Variants in OGFOD3 observed in about 807,000 individuals in gnomAD.
The protein encoded by OGFOD3 is 2-oxoglutarate and iron-dependent oxygenase domain-containing protein 3.
Under a neutral mutation model 39.8 loss-of-function variants are expected in OGFOD3, and 35 were observed. That is an observed-to-expected ratio of 0.88 (90% CI 0.67 to 1.17). The LOEUF (loss-of-function observed/expected upper bound fraction) is 1.17, where lower values mean the gene tolerates loss of function less well. Among genes scored for constraint, OGFOD3 ranks in the 50% most tolerant of loss-of-function variants. OGFOD3 has a pLI of 0.00. For missense variants in OGFOD3, 438 were observed against 454.5 expected (o/e 0.96, Z 0.33); for synonymous variants, 200 against 192.0 (o/e 1.04, Z -0.34).
rs901765243 is a variant in OGFOD3 at position 82,406,722 on chromosome 17, C to T, written c.424-240G>A. Among the ~76,000 whole-genome samples, 6 of 152,186 alleles carry T rather than the reference C, an allele frequency of 3.9e-5. No individual in the cohort carries two copies. The highest frequency in any genetic ancestry group is 1.2e-4 in the African/African-American group (5 of 41,450). On this transcript the variant is annotated intron_variant, in intron 4 of 8. Coordinates refer to ENST00000313056, the MANE Select transcript of OGFOD3 (RefSeq NM_024648.3). The surrounding 1 kb of genome is among the most constrained non-coding windows in gnomAD (Gnocchi z 5.2). The stretch of plus-strand genomic sequence containing the variant: ...CAGGCTCCAGGCCAAACAATCCTCC[C>T]ACCCTCTGCCTCCCAAGTAAAGGCG...
At chr17:82,407,540 C>T (rs957923326) in intron 4 of OGFOD3, among the ~76,000 whole-genome samples, 6 of 152,210 alleles carry the variant, frequency 3.9e-5, no homozygotes, top group East Asian at 1.9e-4. Context: ...GTTTCCTGCC[C>T]GACCACCCAC....
Position 82,398,273 on chromosome 17 carries a change from T to G in OGFOD3, c.746A>C (p.Asn249Thr), listed in dbSNP as rs1018538423. The G allele has an allele frequency of 5.0e-6, 8 of 1,614,030 alleles. No individual in the cohort carries two copies. The highest frequency in any genetic ancestry group is 6.8e-6 in the Non-Finnish European group (8 of 1,180,018). Residue 249 changes from asparagine (N) to threonine (T), a missense_variant, in exon 8 of 9, where the codon AAC becomes ACC. Physicochemically the swap from Asn to Thr is moderately conservative, Grantham distance 65. Transcript: ENST00000313056. Reference protein sequence around the residue: ...FDYTSLLYLSNYLEDFGGGRF... With the variant: ...FDYTSLLYLSTYLEDFGGGRF... The stretch of plus-strand genomic sequence containing the variant: ...CCCTCCGCCGAAGTCCTCCAGGTAG[T>G]TGGAGAGGTACAGCAGCGAGGTGTA...
Position 82,411,348 on chromosome 17 carries a change from TA to T in OGFOD3, c.380+106del. On this transcript the variant is annotated intron_variant, in intron 3 of 8. Coordinates refer to ENST00000313056, the MANE Select transcript of OGFOD3 (RefSeq NM_024648.3). ...AGGCGTGAGCCACCACGCCTGGCAA[TA>T]AAATCCTTAAAACCACTTTATTACT... The T allele has an allele frequency of 4.8e-6, 5 of 1,033,922 alleles. No homozygotes were observed. The South Asian group carries it at 7.4e-5, about 15-fold the overall frequency. The allele number at this position is 1,033,922 out of a possible 1,614,324, so 64.0% of individuals were successfully genotyped here.
chr17:82,412,058 GA>G (rs1275743399), intron 2 of OGFOD3, among the ~76,000 whole-genome samples: 1 of 67,606 alleles, frequency 1.5e-5, no homozygotes, highest in Non-Finnish European at 3.0e-5. Flanking sequence ...CACTGGCGCA[GA>G]AAACCCTCCT....
chr17:82,392,540 AGAG>A lies in OGFOD3; in HGVS notation c.824-9_824-7del, dbSNP rs769902628. 5.5e-5 allele frequency: 86 copies of A among 1,577,278 alleles called. No individual in the cohort carries two copies. The Middle Eastern group carries it at 2.0e-3, about 37-fold the overall frequency. On this transcript the variant is annotated splice_region_variant and splice_polypyrimidine_tract_variant and intron_variant, in intron 8 of 8. Coordinates refer to ENST00000313056, the MANE Select transcript of OGFOD3 (RefSeq NM_024648.3). The surrounding 1 kb of genome is among the most constrained non-coding windows in gnomAD (Gnocchi z 4.2). Reference sequence around the variant, plus strand: ...GGTGAAGAAGGAGACGCGACCTGGGAGAGGAGAAGAGAGAGAGGTGGCCATAGA... The same window carrying A: ...GGTGAAGAAGGAGACGCGACCTGGGAGAGAAGAGAGAGAGGTGGCCATAGA...
intron 7 of OGFOD3, 149 bp from the exon 8 acceptor site, chr17:82,398,468 C>T (rs1007238490): frequency 3.6e-5 from 33 of 918,722 alleles, no homozygotes; most frequent in African/African-American, 3.0e-4. Context: ...GATGCGATCT[C>T]GGCTCACTGC....
Position 82,392,291 on chromosome 17 carries a change from C to A in OGFOD3, c.*107G>T. On this transcript the variant is annotated 3_prime_UTR_variant, in exon 9 of 9. Coordinates refer to ENST00000313056, the MANE Select transcript of OGFOD3 (RefSeq NM_024648.3). The surrounding 1 kb of genome is among the most constrained non-coding windows in gnomAD (Gnocchi z 4.2). ...TCAGCAAATCAAAATCAGAGAATTC[C>A]TAAGGCACTCTGTGCAACAGGAGCG... The A allele has an allele frequency of 8.0e-7, 1 of 1,245,716 alleles. No individual in the cohort carries two copies. The highest frequency in any genetic ancestry group is 1.5e-5 in the South Asian group (1 of 67,758). 77.2% of individuals were successfully genotyped at this position (1,245,716 alleles called of 1,614,324 possible).
chr17:82,409,225 G>T, intron 4 of OGFOD3, 143 bp downstream of exon 4: 1 of 753,052 alleles, frequency 1.3e-6, no homozygotes, highest in Non-Finnish European at 2.3e-6. Flanking sequence ...TGCTGCGGCT[G>T]GTGCTGAGAA....
At position 82,401,803 on chromosome 17, in the gene OGFOD3, C is replaced by CAAAAAAAAAAAAAAAAAAAAAAA. The variant is rs79956747; in HGVS notation, c.699+2133_699+2134insTTTTTTTTTTTTTTTTTTTTTTT. 1.8e-3 allele frequency among the ~76,000 whole-genome samples: 108 copies of CAAAAAAAAAAAAAAAAAAAAAAA among 61,672 alleles called. 2 individuals carry two copies. Among genetic ancestry groups the CAAAAAAAAAAAAAAAAAAAAAAA allele is most frequent in the South Asian group, 4.7e-3 (6 of 1,286 alleles). The allele number at this position is 61,672 out of a possible 152,430, so 40.5% of individuals were successfully genotyped here. ...TGGGTGGCAGAGCAAGACTCCATCT[C>CAAAAAAAAAAAAAAAAAAAAAAA]AAAAAAAAAAAAAAAAAAAACAAAG... On this transcript the variant is annotated intron_variant, in intron 7 of 8. Transcript: ENST00000313056.
chr17:82,405,338 GTCC>G lies in OGFOD3; in HGVS notation c.528_530del (p.Glu176del). The stretch of plus-strand genomic sequence containing the variant: ...CTCCTCCTTACCGGTATAACCGGAA[GTCC>G]TCCTCTGAGAAGATGTTCTGTATTT... On this transcript the variant is annotated inframe_deletion, in exon 6 of 9. Coordinates refer to ENST00000313056, the MANE Select transcript of OGFOD3 (RefSeq NM_024648.3). The G allele has an allele frequency of 3.1e-6, 5 of 1,614,022 alleles. No homozygotes were observed. The highest frequency in any genetic ancestry group is 4.2e-6 in the Non-Finnish European group (5 of 1,179,888).
At chr17:82,393,950 C>A (rs1346327193) in intron 8 of OGFOD3, 2 of 152,468 alleles carry the variant, frequency 1.3e-5, no homozygotes, top group African/African-American at 2.4e-5. Context: ...CTACTGAAGG[C>A]TCAGACGGAG....
In OGFOD3 at chr17:82,406,622, G is replaced by A. The variant is rs2052860931; in HGVS notation, c.424-140C>T. The A allele has an allele frequency of 1.4e-6, 1 of 729,992 alleles. No individual in the cohort carries two copies. The highest frequency in any genetic ancestry group is 2.4e-6 in the Non-Finnish European group (1 of 416,874). The allele number at this position is 729,992 out of a possible 1,614,324, so 45.2% of individuals were successfully genotyped here. On this transcript the variant is annotated intron_variant, in intron 4 of 8. Transcript: ENST00000313056. This position sits in a 1 kb window ranked among gnomAD's most constrained non-coding sequence, Gnocchi z 5.2. ...TTTTTTGTTTTTGTTTTTGTTTTTT[G>A]TAAAAAGGATCTTATTCTGTTGCCC...
At chr17:82,395,794 C>T (rs141791993) in intron 8 of OGFOD3, among the ~76,000 whole-genome samples, 1 of 152,298 alleles carries the variant, frequency 6.6e-6, no homozygotes, top group East Asian at 1.9e-4. Context: ...GCACTCCAGC[C>T]TGGGCGACAG....
intron 8 of OGFOD3, among the ~76,000 whole-genome samples, chr17:82,394,179 A>G (rs1446202012): frequency 2.0e-5 from 3 of 151,332 alleles, no homozygotes; most frequent in East Asian, 1.9e-4. Flanking sequence ...TTTAGTAGAG[A>G]TGTAGTTTCA....
At chr17:82,414,848 CT>C (rs2053006846) in intron 2 of OGFOD3, among the ~76,000 whole-genome samples, 1 of 152,236 alleles carries the variant, frequency 6.6e-6, no homozygotes, top group Non-Finnish European at 1.5e-5. Flanking sequence ...GACAGGAGGC[CT>C]ACAGGGGGTG....
intron 8 of OGFOD3, 95 bp downstream of exon 8, chr17:82,398,101 T>G: frequency 4.0e-6 from 6 of 1,486,920 alleles, no homozygotes; most frequent in Non-Finnish European, 5.6e-6. Context: ...AGATGCTCCG[T>G]GAACTCAGCC....
Position 82,404,651 on chromosome 17 carries a change from C to G in OGFOD3, c.546-561G>C, listed in dbSNP as rs987476801. On this transcript the variant is annotated intron_variant, in intron 6 of 8. Coordinates refer to ENST00000313056, the MANE Select transcript of OGFOD3 (RefSeq NM_024648.3). The surrounding 1 kb of genome is among the most constrained non-coding windows in gnomAD (Gnocchi z 4.5). ...CATGTGGGGGGCTCGAGGGGGGTCA[C>G]TCATGTGTCCTGGGATGGTTGCGTG... Among the ~76,000 whole-genome samples the G allele has an allele frequency of 1.1e-4, 16 of 151,914 alleles. No homozygotes were observed. Among genetic ancestry groups the G allele is most frequent in the Non-Finnish European group, 2.4e-4 (16 of 67,978 alleles).
chr17:82,400,522 T>C (rs1462815146), intron 7 of OGFOD3, among the ~76,000 whole-genome samples: 1 of 152,248 alleles, frequency 6.6e-6, no homozygotes, highest in African/African-American at 2.4e-5. Context: ...TCTTTACAAC[T>C]GACAGAATGC....
chr17:82,394,506 T>C, intron 8 of OGFOD3: 1 of 1,613,640 alleles, frequency 6.2e-7, no homozygotes, highest in Non-Finnish European at 8.5e-7. Context: ...CATTAACTTC[T>C]TGGAACCCAC....
Sources: allele counts gnomAD v4.1 joint callset (sites outside exome capture counted in the v4.1 genomes callset), GRCh38; gene constraint gnomAD v4.1.1; non-coding constraint Gnocchi (gnomAD v3.1); transcripts MANE v1.5; gene names NCBI Gene and HGNC (gene_info 2026-07-23, HGNC 2026-07-21).